Variants in EFEMP1 observed in about 807,000 individuals in gnomAD.
The protein encoded by EFEMP1 is EGF-containing fibulin-like extracellular matrix protein 1.
Under a neutral mutation model 65.7 loss-of-function variants are expected in EFEMP1, and 18 were observed. The ratio of observed to expected loss-of-function variants is 0.27; its 90% CI spans 0.19 to 0.41. The LOEUF is 0.41. Ranked by LOEUF, EFEMP1 falls within the 10% of genes least tolerant of loss-of-function variation. The probability of loss-of-function intolerance (pLI) is 1.00; values close to 1 mark genes in which losing one functional copy is unlikely to be tolerated. For missense variants in EFEMP1, 469 were observed against 624.8 expected, an observed-to-expected ratio of 0.75 and a Z score of 2.66; for synonymous variants, 237 against 219.7, an observed-to-expected ratio of 1.08 and a Z score of -0.70.
chr2:55,886,103 A>C lies in EFEMP1; in HGVS notation c.518-4369T>G, dbSNP rs935403020. 1.3e-5 allele frequency among the ~76,000 whole-genome samples: 2 copies of C among 152,212 alleles called. No homozygotes were observed. The highest frequency in any genetic ancestry group is 4.8e-5 in the African/African-American group (2 of 41,454). ...AATAATTTAGAACTACTTTTGAATA[A>C]GCCACTGTAGACTAGTGATGAGAAT... On this transcript the variant is annotated intron_variant, in intron 5 of 11. Coordinates refer to ENST00000355426, the MANE Select transcript of EFEMP1 (RefSeq NM_001039348.3). This position sits in a 1 kb window ranked among gnomAD's most constrained non-coding sequence, Gnocchi z 4.0.
chr2:55,918,349 A>T, intron 3 of EFEMP1, 82 bp from the exon 4 acceptor site: 1 of 1,484,386 alleles, frequency 6.7e-7, no homozygotes, highest in Admixed American at 1.7e-5. Flanking sequence ...TAAAAGCTTC[A>T]TTCTTATGGC....
chr2:55,881,203 T>A, intron 6 of EFEMP1, among the ~76,000 whole-genome samples: 1 of 152,192 alleles, frequency 6.6e-6, no homozygotes, highest in East Asian at 1.9e-4. Flanking sequence ...CAAAGCGAGC[T>A]GGGGTTGGTG....
At chr2:55,893,679 T>C (rs1441921017) in intron 5 of EFEMP1, among the ~76,000 whole-genome samples, 2 of 152,230 alleles carry the variant, frequency 1.3e-5, no homozygotes, top group African/African-American at 4.8e-5. Flanking sequence ...CTTAACAGTG[T>C]GAAGACTTAA....
intron 5 of EFEMP1, among the ~76,000 whole-genome samples, chr2:55,882,124 A>C (rs1291426701): frequency 6.6e-6 from 1 of 152,172 alleles, no homozygotes; most frequent in Non-Finnish European, 1.5e-5. Context: ...CCATTAGAAC[A>C]TATGGTATTG....
rs2104375300 is a variant in EFEMP1 at position 55,873,435 on chromosome 2, G to T, written c.1000+1511C>A. Reference sequence around the variant, plus strand: ...GTTTCCACATAGATAGGCTAGGCAGGTCGGATCCCACCGTGCATTAATCTG... The same window carrying T: ...GTTTCCACATAGATAGGCTAGGCAGTTCGGATCCCACCGTGCATTAATCTG... On this transcript the variant is annotated intron_variant, in intron 9 of 11. Transcript: ENST00000355426. The surrounding 1 kb of genome is among the most constrained non-coding windows in gnomAD (Gnocchi z 4.6). Among the ~76,000 whole-genome samples the T allele has an allele frequency of 6.6e-6, 1 of 152,100 alleles. No individual in the cohort carries two copies. The highest frequency in any genetic ancestry group is 2.1e-4 in the South Asian group (1 of 4,820).
Position 55,870,678 on chromosome 2 carries a change from C to G in EFEMP1, c.1320+42G>C. 1 of 1,605,144 alleles carries G rather than the reference C, an allele frequency of 6.2e-7. No individual in the cohort carries two copies. Among genetic ancestry groups the G allele is most frequent in the East Asian group, 2.2e-5 (1 of 44,834 alleles). On this transcript the variant is annotated intron_variant, in intron 11 of 11. Transcript: ENST00000355426. The surrounding 1 kb of genome is among the most constrained non-coding windows in gnomAD (Gnocchi z 5.8). ...ACAACAACAACAACAACAACAAACTCCCATCTTTCTCAATAGTTAAGGCTG... is the reference window on the plus strand; with the variant it reads ...ACAACAACAACAACAACAACAAACTGCCATCTTTCTCAATAGTTAAGGCTG...
chr2:55,905,537 T>G (rs779294902), intron 5 of EFEMP1, among the ~76,000 whole-genome samples: 2 of 152,142 alleles, frequency 1.3e-5, no homozygotes, highest in Non-Finnish European at 2.9e-5. Flanking sequence ...AACCTCCACC[T>G]CCCGGCTTCA....
chr2:55,897,972 C>T (rs114086420), intron 5 of EFEMP1, among the ~76,000 whole-genome samples: 3,186 of 152,244 alleles, frequency 0.021, 64 homozygotes, highest in South Asian at 0.076. Flanking sequence ...TTGAATTCAT[C>T]GTATTTTGCA....
chr2:55,912,786 T>C (rs973311234), intron 5 of EFEMP1, among the ~76,000 whole-genome samples: 20 of 152,054 alleles, frequency 1.3e-4, no homozygotes, highest in African/African-American at 4.6e-4. Flanking sequence ...AAAATAAAAA[T>C]TTTAGCAAAC....
Position 55,922,344 on chromosome 2 carries a change from T to C in EFEMP1, c.81+16A>G. ...CCCGCTGAACCGTACTTATTTCAAA[T>C]TCCATCACCCCTTACCGTGTACGTG... On this transcript the variant is annotated intron_variant, in intron 3 of 11. Transcript: ENST00000355426. This position sits in a 1 kb window ranked among gnomAD's most constrained non-coding sequence, Gnocchi z 5.5. 6.2e-7 allele frequency: 1 copy of C among 1,612,310 alleles called. No individual in the cohort carries two copies. Among genetic ancestry groups the C allele is most frequent in the South Asian group, 1.1e-5 (1 of 91,034 alleles).
In EFEMP1 at chr2:55,918,018, C is replaced by A; in HGVS notation, c.164G>T (p.Cys55Phe). Residue 55 changes from cysteine to phenylalanine, a missense_variant, in exon 5 of 12, where the codon TGT (cysteine) becomes TTT (phenylalanine). Physicochemically the swap from Cys to Phe is radical, Grantham distance 205. Around this residue, in one of 3 missense-constraint regions of EFEMP1, gnomAD observed 66 missense variants for 73.0 expected, o/e 0.90. Transcript: ENST00000355426. ...IDECDIVPDA[C>F]KGGMKCVNHY... ...GTTGACACACTTCATTCCACCTTTA[C>A]AAGCGTCTGGGACAATGTCACATTC... 6.2e-7 allele frequency: 1 copy of A among 1,614,204 alleles called. No individual in the cohort carries two copies.
rs2104362197 is a variant in EFEMP1 at position 55,867,858 on chromosome 2, T to C, written c.1321-624A>G. Among the ~76,000 whole-genome samples, 1 of 152,240 alleles carries C rather than the reference T, an allele frequency of 6.6e-6. No homozygotes were observed. Among genetic ancestry groups the C allele is most frequent in the East Asian group, 1.9e-4 (1 of 5,176 alleles). On this transcript the variant is annotated intron_variant, in intron 11 of 11. Coordinates refer to ENST00000355426, the MANE Select transcript of EFEMP1 (RefSeq NM_001039348.3). This position sits in a 1 kb window ranked among gnomAD's most constrained non-coding sequence, Gnocchi z 4.3. ...ATGTTCAGAAGAACTGGGTGCAGTT[T>C]CATTTTGATGAATAATATGATGGGC...
rs538277667 is a variant in EFEMP1 at position 55,922,020 on chromosome 2, A to T, written c.81+340T>A. ...CGTATTGGTTTTATCTGCATGTGGTAGGAGTCCAGGTTTTCCAGTTCCTTA... is the reference window on the plus strand; with the variant it reads ...CGTATTGGTTTTATCTGCATGTGGTTGGAGTCCAGGTTTTCCAGTTCCTTA... On this transcript the variant is annotated intron_variant, in intron 3 of 11. Coordinates refer to ENST00000355426, the MANE Select transcript of EFEMP1 (RefSeq NM_001039348.3). This position sits in a 1 kb window ranked among gnomAD's most constrained non-coding sequence, Gnocchi z 5.5. The T allele has an allele frequency of 2.3e-5, 8 of 344,628 alleles. No homozygotes were observed. Among genetic ancestry groups the T allele is most frequent in the Admixed American group, 4.1e-5 (1 of 24,680 alleles). The allele number at this position is 344,628 out of a possible 1,614,324, so 21.3% of individuals were successfully genotyped here.
In EFEMP1 at chr2:55,913,808, G is replaced by A. The variant is rs1289745067; in HGVS notation, c.517+3857C>T. ...GCACATCATCTGAGGTCAGGAGCTC[G>A]AGACCAGCCTGGCCAACATGGTGAA... is the stretch of plus-strand genomic sequence containing the variant. On this transcript the variant is annotated intron_variant, in intron 5 of 11. Transcript: ENST00000355426. Among the ~76,000 whole-genome samples, 3 of 151,956 alleles carry A rather than the reference G, an allele frequency of 2.0e-5. 1 individual carries two copies. The highest frequency in any genetic ancestry group is 1.3e-4 in the Admixed American group (2 of 15,250).
intron 5 of EFEMP1, among the ~76,000 whole-genome samples, chr2:55,904,180 T>C (rs1433668873): frequency 6.6e-6 from 1 of 152,164 alleles, no homozygotes; most frequent in East Asian, 1.9e-4. Flanking sequence ...GTGGTGGTGG[T>C]AGGTGGTGCT....
At chr2:55,887,683 C>T (rs1669471317) in intron 5 of EFEMP1, among the ~76,000 whole-genome samples, 1 of 152,150 alleles carries the variant, frequency 6.6e-6, no homozygotes, top group Non-Finnish European at 1.5e-5. Flanking sequence ...ATTTATAGTT[C>T]TAGATTCTTA....
rs1670986708 is a variant in EFEMP1, at chr2:55,923,462, C to T, written c.-49+249G>A. Reference sequence around the variant, plus strand: ...CAAAACCACGTTTATGGGCAAAGCCCTGCCGGCTGGTTGTCGGCGCGCACA... The same window carrying T: ...CAAAACCACGTTTATGGGCAAAGCCTTGCCGGCTGGTTGTCGGCGCGCACA... On this transcript the variant is annotated intron_variant, in intron 1 of 11. Coordinates refer to ENST00000355426, the MANE Select transcript of EFEMP1 (RefSeq NM_001039348.3). The surrounding 1 kb of genome is among the most constrained non-coding windows in gnomAD (Gnocchi z 5.3). Among the ~76,000 whole-genome samples the T allele has an allele frequency of 6.6e-6, 1 of 152,218 alleles. No homozygotes were observed. The highest frequency in any genetic ancestry group is 2.4e-5 in the African/African-American group (1 of 41,466).
At chr2:55,881,313 G>A (rs995495423) in intron 6 of EFEMP1, among the ~76,000 whole-genome samples, 7 of 152,202 alleles carry the variant, frequency 4.6e-5, no homozygotes, top group Admixed American at 1.3e-4. Flanking sequence ...GTGTTAGCGC[G>A]ATGGCCCCCA....
chr2:55,918,506 T>C (rs1190518478), intron 3 of EFEMP1, among the ~76,000 whole-genome samples: 1 of 152,188 alleles, frequency 6.6e-6, no homozygotes, highest in Admixed American at 6.5e-5. Context: ...TCTGTTCTTT[T>C]TGGTACAGTT....
Sources: allele counts gnomAD v4.1 joint callset (sites outside exome capture counted in the v4.1 genomes callset), GRCh38; gene constraint gnomAD v4.1.1; regional missense constraint gnomAD v4.1.1; non-coding constraint Gnocchi (gnomAD v3.1); transcripts MANE v1.5; gene names NCBI Gene and HGNC (gene_info 2026-07-23, HGNC 2026-07-21).